Variants in MACROD2 observed in about 807,000 individuals in gnomAD.
MACROD2 encodes mono-ADP ribosylhydrolase 2.
Under a neutral mutation model 70.4 loss-of-function variants are expected in MACROD2, and 36 were observed. The observed-to-expected ratio is 0.51, with a 90% CI of 0.39 to 0.68. The LOEUF is 0.68. MACROD2 is among the 30% of genes least tolerant of loss of function. The probability of loss-of-function intolerance (pLI) is 0.00; values close to 1 mark genes in which losing one functional copy is unlikely to be tolerated. For missense variants in MACROD2, 496 were observed against 538.4 expected, an observed-to-expected ratio of 0.92 and a Z score of 0.78; for synonymous variants, 172 against 178.8, an observed-to-expected ratio of 0.96 and a Z score of 0.30.
chr20:14,161,629 T>C (rs1263479643), intron 3 of MACROD2, among the ~76,000 whole-genome samples: 13 of 151,096 alleles, frequency 8.6e-5, no homozygotes, highest in Non-Finnish European at 1.2e-4. Flanking sequence ...CAGGCTGAAG[T>C]GCAGTGGCGC....
chr20:14,938,163 G>A, intron 5 of MACROD2, among the ~76,000 whole-genome samples: 1 of 152,022 alleles, frequency 6.6e-6, no homozygotes, highest in East Asian at 1.9e-4. Context: ...TGGGAGTGCA[G>A]ATACCTCTTT....
At chr20:14,895,657 G>T (rs747425984) in intron 5 of MACROD2, 2 of 152,046 alleles carry the variant, frequency 1.3e-5, no homozygotes, top group Non-Finnish European at 2.9e-5. Flanking sequence ...TGGGGAGGTA[G>T]CCTCTTTATA....
intron 3 of MACROD2, among the ~76,000 whole-genome samples, chr20:14,299,052 G>T (rs2082452453): frequency 6.6e-6 from 1 of 152,158 alleles, no homozygotes; most frequent in Non-Finnish European, 1.5e-5. Flanking sequence ...AACAGTCGCA[G>T]GGTTTGAGAG....
At chr20:14,308,129 G>T (rs1189501274) in intron 3 of MACROD2, among the ~76,000 whole-genome samples, 1 of 152,084 alleles carries the variant, frequency 6.6e-6, no homozygotes, top group African/African-American at 2.4e-5. Context: ...TGTGCTGATT[G>T]CGGCAGCTTG....
chr20:15,600,741 C>T lies in MACROD2; in HGVS notation c.645+100894C>T, dbSNP rs73900015. 7.9e-3 allele frequency among the ~76,000 whole-genome samples: 1,207 copies of T among 152,106 alleles called. 20 individuals are homozygous for T. Among genetic ancestry groups the T allele is most frequent in the African/African-American group, 0.028 (1,171 of 41,470 alleles). ...TTGAGATGAATACTACAAGCTAATG[C>T]GAGCAATCAGCAGGTTTGTGGAGAA... On this transcript the variant is annotated intron_variant, in intron 8 of 17. Coordinates refer to ENST00000684519, the MANE Select transcript of MACROD2 (RefSeq NM_001351661.2).
intron 6 of MACROD2, among the ~76,000 whole-genome samples, chr20:15,327,695 A>G (rs1568724494): frequency 1.3e-5 from 2 of 152,062 alleles, no homozygotes; most frequent in Non-Finnish European, 2.9e-5. Flanking sequence ...GGGTGGGGAC[A>G]TAGCCAAACT....
chr20:15,357,309 T>C (rs7269753), intron 6 of MACROD2, among the ~76,000 whole-genome samples: 1 of 152,136 alleles, frequency 6.6e-6, no homozygotes, highest in Non-Finnish European at 1.5e-5. Flanking sequence ...CTTGACTGTA[T>C]GCTATAAATA....
intron 5 of MACROD2, among the ~76,000 whole-genome samples, chr20:14,862,165 A>ATATT (rs2073341511): frequency 9.0e-5 from 4 of 44,616 alleles, no homozygotes; most frequent in African/African-American, 4.1e-4. Flanking sequence ...ATATAAATAT[A>ATATT]TATAAATATA....
chr20:14,402,615 TGTGTCTCA>T (rs1398438824), intron 3 of MACROD2, among the ~76,000 whole-genome samples: 2 of 152,174 alleles, frequency 1.3e-5, no homozygotes, highest in East Asian at 3.9e-4. Context: ...TTATAGAAAA[TGTGTCTCA>T]GTTACAGCTG....
At chr20:15,285,886 T>TG (rs573180024) in intron 6 of MACROD2, among the ~76,000 whole-genome samples, 5 of 150,600 alleles carry the variant, frequency 3.3e-5, no homozygotes, top group Middle Eastern at 3.2e-3. Context: ...TTCCATTTTT[T>TG]GGGGGGGTTG....
chr20:15,168,848 A>G (rs753378654), intron 5 of MACROD2, among the ~76,000 whole-genome samples: 37 of 152,174 alleles, frequency 2.4e-4, no homozygotes, highest in Non-Finnish European at 5.0e-4. Flanking sequence ...ATTCTGATAT[A>G]TGCTAGAACA....
chr20:14,420,703 T>C (rs2083866748), intron 3 of MACROD2, among the ~76,000 whole-genome samples: 1 of 152,192 alleles, frequency 6.6e-6, no homozygotes, highest in South Asian at 2.1e-4. Context: ...AAAATGTTCT[T>C]TTTTTGAGAC....
At chr20:15,502,600 G>T (rs139708929) in intron 8 of MACROD2, among the ~76,000 whole-genome samples, 207 of 152,238 alleles carry the variant, frequency 1.4e-3, no homozygotes, top group African/African-American at 4.6e-3. Flanking sequence ...GTAGGAAATG[G>T]CAGACCAATT....
chr20:14,052,052 A>G (rs530294816), intron 2 of MACROD2: 5 of 413,280 alleles, frequency 1.2e-5, no homozygotes, highest in South Asian at 3.6e-5. Flanking sequence ...CTTGATTGCT[A>G]TGTTTTTATG....
At chr20:15,432,336 T>C (rs1383254002) in intron 7 of MACROD2, among the ~76,000 whole-genome samples, 4 of 152,090 alleles carry the variant, frequency 2.6e-5, no homozygotes, top group African/African-American at 9.7e-5. Context: ...AAATGAGAAA[T>C]GTAGGCCTGA....
intron 10 of MACROD2, among the ~76,000 whole-genome samples, chr20:15,909,837 GA>G (rs2065209599): frequency 6.6e-6 from 1 of 152,020 alleles, no homozygotes; most frequent in Admixed American, 6.6e-5. Flanking sequence ...TACAATTTTT[GA>G]GACCTTGTGG....
chr20:14,538,162 G>A (rs918518798), intron 4 of MACROD2, among the ~76,000 whole-genome samples: 6 of 152,186 alleles, frequency 3.9e-5, no homozygotes, highest in Non-Finnish European at 8.8e-5. Flanking sequence ...GGTAGAGAAC[G>A]ATTACCTGTC....
intron 5 of MACROD2, among the ~76,000 whole-genome samples, chr20:14,766,379 G>T (rs6514537): frequency 0.44 from 66,908 of 151,920 alleles, 16,478 homozygotes; most frequent in Non-Finnish European, 0.56. Flanking sequence ...CTGAAAAAGA[G>T]AATCCCAGTG....
intron 2 of MACROD2, among the ~76,000 whole-genome samples, chr20:14,012,490 T>C (rs2052925418): frequency 6.6e-6 from 1 of 152,202 alleles, no homozygotes; most frequent in African/African-American, 2.4e-5. Context: ...GCTGTAGTGA[T>C]GCAAATTTTC....
Sources: allele counts gnomAD v4.1 joint callset (sites outside exome capture counted in the v4.1 genomes callset), GRCh38; gene constraint gnomAD v4.1.1; transcripts MANE v1.5; gene names NCBI Gene and HGNC (gene_info 2026-07-23, HGNC 2026-07-21).